Variants in DNAH14 observed in about 807,000 individuals in gnomAD.
DNAH14 encodes the protein dynein axonemal heavy chain 14, also known as axonemal beta dynein heavy chain 14.
Under a neutral mutation model 520.9 loss-of-function variants are expected in DNAH14, and 478 were observed. The ratio of observed to expected loss-of-function variants is 0.92; its 90% CI spans 0.85 to 0.99. DNAH14 has a LOEUF of 0.99. Among genes scored for constraint, DNAH14 ranks in the 50% least tolerant of loss-of-function variants. The probability of loss-of-function intolerance (pLI) is 0.00; values close to 1 mark genes in which losing one functional copy is unlikely to be tolerated. For missense variants in DNAH14, 4,831 were observed against 5,234.5 expected, an observed-to-expected ratio of 0.92 and a Z score of 2.38; for synonymous variants, 1,581 against 1,757.2, an observed-to-expected ratio of 0.90 and a Z score of 2.51.
At chr1:225,281,156 G>A (rs138978998) in intron 54 of DNAH14, among the ~76,000 whole-genome samples, 64 of 152,288 alleles carry the variant, frequency 4.2e-4, no homozygotes, top group African/African-American at 1.5e-3. Context: ...AGTATGACAT[G>A]AACCCACTGG....
At chr1:225,336,187 C>A (rs1468113383) in intron 66 of DNAH14, among the ~76,000 whole-genome samples, 1 of 148,922 alleles carries the variant, frequency 6.7e-6, no homozygotes, top group Admixed American at 6.8e-5. Flanking sequence ...TAAGACTATG[C>A]AACAGTATAA....
At chr1:225,095,362 G>A (rs1425905983) in intron 21 of DNAH14, among the ~76,000 whole-genome samples, 2 of 152,140 alleles carry the variant, frequency 1.3e-5, no homozygotes, top group African/African-American at 4.8e-5. Context: ...CTTGGATGGA[G>A]ATGGAGGTCA....
intron 17 of DNAH14, among the ~76,000 whole-genome samples, chr1:225,058,164 CT>C (rs1383388101): frequency 2.6e-5 from 4 of 152,046 alleles, no homozygotes; most frequent in Non-Finnish European, 2.9e-5. Context: ...TGGTCCTGGA[CT>C]TTTTTTGGTT....
chr1:225,022,626 G>A (rs1034579535), intron 10 of DNAH14, among the ~76,000 whole-genome samples: 4 of 151,892 alleles, frequency 2.6e-5, no homozygotes, highest in Non-Finnish European at 5.9e-5. Context: ...GTGGCAAAAA[G>A]GAAACACCCT....
chr1:225,104,750 A>G (rs142590115), intron 23 of DNAH14, among the ~76,000 whole-genome samples: 1 of 151,896 alleles, frequency 6.6e-6, no homozygotes. Flanking sequence ...ATCATTTTTT[A>G]TTGTGTCTAT....
At chr1:225,276,987 G>GGA (rs1558241801) in intron 53 of DNAH14, among the ~76,000 whole-genome samples, 1,160 of 26,658 alleles carry the variant, frequency 0.044, 20 homozygotes, top group East Asian at 0.07. Flanking sequence ...GGAAGGAAGG[G>GGA]AGGGAGGAAG....
intron 23 of DNAH14, among the ~76,000 whole-genome samples, chr1:225,110,840 T>C (rs1439709872): frequency 1.3e-5 from 2 of 152,000 alleles, no homozygotes; most frequent in African/African-American, 4.8e-5. Context: ...GTTTCTGTTA[T>C]TATTTTCCAA....
At chr1:225,119,092 A>C in intron 25 of DNAH14, 128 bp from the exon 26 acceptor site, 1 of 536,810 alleles carries the variant, frequency 1.9e-6, no homozygotes, top group Non-Finnish European at 3.1e-6. Flanking sequence ...ACCAAAAGGC[A>C]GTAGTAGTCC....
At chr1:225,020,543 CTT>C (rs1261043065) in intron 10 of DNAH14, among the ~76,000 whole-genome samples, 1 of 147,476 alleles carries the variant, frequency 6.8e-6, no homozygotes, top group Non-Finnish European at 1.5e-5. Flanking sequence ...ATAAACACCT[CTT>C]TGCATACAAA....
At chr1:225,275,214 G>T (rs1281671245) in intron 52 of DNAH14, among the ~76,000 whole-genome samples, 3 of 152,144 alleles carry the variant, frequency 2.0e-5, no homozygotes, top group Non-Finnish European at 4.4e-5. Context: ...TGCCTATCAG[G>T]AATTCCCAGT....
At chr1:225,248,665 C>T (rs76805094) in intron 43 of DNAH14, among the ~76,000 whole-genome samples, 7,460 of 152,040 alleles carry the variant, frequency 0.049, 287 homozygotes, top group Non-Finnish European at 0.073. Flanking sequence ...AGAAGAGTGA[C>T]AACTAATAAC....
intron 17 of DNAH14, among the ~76,000 whole-genome samples, chr1:225,057,438 T>C (rs1260943039): frequency 6.6e-6 from 1 of 152,172 alleles, no homozygotes; most frequent in Non-Finnish European, 1.5e-5. Context: ...GCTGAGACAA[T>C]GGGGTTTTCT....
intron 12 of DNAH14, among the ~76,000 whole-genome samples, chr1:225,040,714 ATTTC>A (rs1231980637): frequency 6.6e-6 from 1 of 152,148 alleles, no homozygotes; most frequent in Non-Finnish European, 1.5e-5. Context: ...AAGAGTTACT[ATTTC>A]TTTATTTACT....
chr1:225,215,120 T>C (rs1226128031), intron 41 of DNAH14, among the ~76,000 whole-genome samples: 1 of 152,186 alleles, frequency 6.6e-6, no homozygotes, highest in African/African-American at 2.4e-5. Context: ...TTTGTTCTCA[T>C]TGGTTTCAAA....
intron 43 of DNAH14, among the ~76,000 whole-genome samples, chr1:225,244,243 G>A (rs537954689): frequency 6.6e-6 from 1 of 152,260 alleles, no homozygotes; most frequent in African/African-American, 2.4e-5. Flanking sequence ...TGTGCTGCTG[G>A]ATTCATTTTG....
chr1:225,393,078 TG>T (rs1246071487), intron 84 of DNAH14, among the ~76,000 whole-genome samples: 1 of 152,160 alleles, frequency 6.6e-6, no homozygotes, highest in East Asian at 1.9e-4. Flanking sequence ...GGACTAATGC[TG>T]GGGAGGAAGG....
chr1:225,303,655 A>G (rs1299065240), intron 57 of DNAH14, among the ~76,000 whole-genome samples: 2 of 152,294 alleles, frequency 1.3e-5, no homozygotes, highest in South Asian at 2.1e-4. Flanking sequence ...ACCAGATTCT[A>G]TGGTAAGGAT....
At position 225,333,333 on chromosome 1, in the gene DNAH14, G is replaced by T; in HGVS notation, c.9907G>T (p.Glu3303Ter). ...ETINQIDNKL[E>*]GILGDILLSA... ...AATCAATCAAATAGATAACAAATTA[G>T]AAGGAATTTTGGGTGACATACTTCT... The change falls in exon 66 of 86, where the codon GAA becomes TAA. Residue 3303 changes from glutamate to a stop codon, truncating the protein, a stop_gained. Coordinates refer to ENST00000682510, the MANE Select transcript of DNAH14 (RefSeq NM_001367479.1). LOFTEE classifies it high-confidence loss of function. 1 of 1,551,610 alleles carries T rather than the reference G, an allele frequency of 6.4e-7. No homozygotes were observed. The highest frequency in any genetic ancestry group is 8.7e-7 in the Non-Finnish European group (1 of 1,146,862).
intron 10 of DNAH14, among the ~76,000 whole-genome samples, chr1:225,010,193 C>T (rs1053460716): frequency 3.9e-5 from 6 of 152,144 alleles, no homozygotes; most frequent in Non-Finnish European, 7.3e-5. Flanking sequence ...GGGAATGCTT[C>T]CAGCTTTTGC....
Sources: allele counts gnomAD v4.1 joint callset (sites outside exome capture counted in the v4.1 genomes callset), GRCh38; gene constraint gnomAD v4.1.1; transcripts MANE v1.5; gene names NCBI Gene and HGNC (gene_info 2026-07-23, HGNC 2026-07-21).